The following NOTCH4 variants were observed in gnomAD, a reference collection of about 807,000 sequenced individuals.
NOTCH4 encodes the protein neurogenic locus notch homolog protein 4.
Under a neutral mutation model 189.0 loss-of-function variants are expected in NOTCH4, and 138 were observed. The observed-to-expected ratio is 0.73, with a 90% CI of 0.64 to 0.84. The LOEUF is 0.84. Ranked by LOEUF, NOTCH4 falls within the 40% of genes least tolerant of loss-of-function variation. NOTCH4 has a pLI of 0.00. For synonymous variants in NOTCH4, 942 were observed against 1,032.8 expected (o/e 0.91, Z 1.69); for missense variants, 2,286 against 2,605.4 (o/e 0.88, Z 2.67).
Position 32,223,922 on chromosome 6 carries a change from G to T in NOTCH4, c.7C>A (p.Pro3Thr). ...AGCAGCAGCAGCAGCAGTGAAGGGG[G>T]CTGCATTCCACAGCCCCTTCTCCAA... MQPPSLLLLLLLL... is the reference protein window; with the variant it reads MQTPSLLLLLLLL... Residue 3 changes from proline to threonine, a missense_variant, in exon 1 of 30, where the codon CCC becomes ACC. Around this residue, in one of 2 missense-constraint regions of NOTCH4, gnomAD observed 1,903 missense variants for 2,261.9 expected, o/e 0.84. Coordinates refer to ENST00000375023, the MANE Select transcript of NOTCH4 (RefSeq NM_004557.4). The T allele has an allele frequency of 1.3e-6, 2 of 1,581,784 alleles. No homozygotes were observed.
At chr6:32,205,547 C>CAAAAA (rs9281672) in intron 18 of NOTCH4, among the ~76,000 whole-genome samples, 16 of 52,140 alleles carry the variant, frequency 3.1e-4, no homozygotes, top group Non-Finnish European at 3.8e-4. Flanking sequence ...GATGCTGTCT[C>CAAAAA]AAAAAAAAAA....
intron 5 of NOTCH4, 34 bp from the exon 6 acceptor site, chr6:32,220,675 G>A (rs760950053): frequency 9.9e-6 from 16 of 1,612,048 alleles, no homozygotes; most frequent in Non-Finnish European, 1.4e-5. Context: ...GAGGGCTAAG[G>A]CTGGGAGCCC....
At chr6:32,203,739 C>A (rs1312719417) in intron 20 of NOTCH4, 31 bp downstream of exon 20, 7 of 1,498,908 alleles carry the variant, frequency 4.7e-6, no homozygotes, top group Non-Finnish European at 6.4e-6. Context: ...GCATAGGGGG[C>A]AACAGAGAAG....
At chr6:32,216,379 C>T (rs1378779079) in intron 11 of NOTCH4, 2 of 158,048 alleles carry the variant, frequency 1.3e-5, no homozygotes, top group Non-Finnish European at 2.8e-5. Context: ...CCACCCGCCT[C>T]GGCTTCCCGA....
At position 32,195,901 on chromosome 6, in the gene NOTCH4, C is replaced by T. The variant is rs988401099; in HGVS notation, c.5548G>A (p.Val1850Met). Residue 1850 changes from valine (V) to methionine (M), a missense_variant, in exon 30 of 30, where the codon GTG (valine) becomes ATG (methionine). Physicochemically the swap from Val to Met is conservative, Grantham distance 21. This residue lies in a region of NOTCH4 where 383 missense variants were observed against 343.5 expected (regional missense o/e 1.11). Coordinates refer to ENST00000375023, the MANE Select transcript of NOTCH4 (RefSeq NM_004557.4). This position sits in a 1 kb window ranked among gnomAD's most constrained non-coding sequence, Gnocchi z 5.4. ...FPRARTVSVSVPPHGGGALPR... is the reference protein window; with the variant it reads ...FPRARTVSVSMPPHGGGALPR... ...AGAGCCCCGCCCCCATGCGGGGGCA[C>T]GCTTACTGACACCGTCCGTGCGCGC... is the stretch of plus-strand genomic sequence containing the variant. The T allele has an allele frequency of 6.3e-7, 1 of 1,587,294 alleles. No homozygotes were observed. The highest frequency in any genetic ancestry group is 2.3e-5 in the East Asian group (1 of 44,374).
In NOTCH4 at chr6:32,201,780, A is replaced by C; in HGVS notation, c.3756-280T>G. The C allele has an allele frequency of 2.4e-6, 1 of 412,352 alleles. No individual in the cohort carries two copies. Among genetic ancestry groups the C allele is most frequent in the Non-Finnish European group, 4.2e-6 (1 of 236,504 alleles). 25.5% of individuals were successfully genotyped at this position (412,352 alleles called of 1,614,324 possible). A position where few individuals can be genotyped will look rare whatever the true frequency, so the allele number is the denominator to read the frequency against. On this transcript the variant is annotated intron_variant, in intron 21 of 29. Transcript: ENST00000375023. This position sits in a 1 kb window ranked among gnomAD's most constrained non-coding sequence, Gnocchi z 5.5. ...GCCCTTTTCCCTCTGTGAGGTGCTGACTGCTAGGGGAAATACTCCATGGCA... is the reference window on the plus strand; with the variant it reads ...GCCCTTTTCCCTCTGTGAGGTGCTGCCTGCTAGGGGAAATACTCCATGGCA...
intron 12 of NOTCH4, among the ~76,000 whole-genome samples, chr6:32,215,005 C>G (rs931615471): frequency 6.6e-6 from 1 of 152,182 alleles, no homozygotes; most frequent in Admixed American, 6.5e-5. Flanking sequence ...TGCTCTGACC[C>G]CCTGGTCCTC....
Position 32,213,247 on chromosome 6 carries a change from A to G in NOTCH4, c.2326T>C (p.Cys776Arg). ...TTCACACAGGTACCCCCATTGAAGC[A>G]CGGGGCTGGAGAGAGGAGGCTGTGA... ...TSTDYCVSAP[C>R]FNGGTCVNRP... Residue 776 changes from cysteine (C) to arginine (R), a missense_variant, in exon 15 of 30, where the codon TGC becomes CGC. Physicochemically the swap from Cys to Arg is radical, Grantham distance 180 (BLOSUM62 -3). Coordinates refer to ENST00000375023, the MANE Select transcript of NOTCH4 (RefSeq NM_004557.4). 2 of 1,612,228 alleles carry G rather than the reference A, an allele frequency of 1.2e-6. No individual in the cohort carries two copies. The highest frequency in any genetic ancestry group is 8.5e-7 in the Non-Finnish European group (1 of 1,178,480).
intron 18 of NOTCH4, among the ~76,000 whole-genome samples, chr6:32,207,634 C>A (rs1206985086): frequency 2.0e-5 from 3 of 149,278 alleles, no homozygotes; most frequent in Admixed American, 6.7e-5. Flanking sequence ...TCTATCCCCC[C>A]CCCCCAAAAA....
Position 32,220,796 on chromosome 6 carries a change from C to T in NOTCH4, c.882G>A (p.Gly294=). Residue 294 remains glycine, a synonymous_variant, in exon 5 of 30, where the codon GGG becomes GGA. Coordinates refer to ENST00000375023, the MANE Select transcript of NOTCH4 (RefSeq NM_004557.4). ...GGCAGAGGCAGGTGTAGGTGTCCAG[C>T]CCATCCTGGCAAGTGCCCCCATTCT... The part of the protein sequence containing the change: ...QCQNGGTCQD[G]LDTYTCLCPE... 6.2e-7 allele frequency: 1 copy of T among 1,614,070 alleles called. No homozygotes were observed. Among genetic ancestry groups the T allele is most frequent in the Non-Finnish European group, 8.5e-7 (1 of 1,179,970 alleles).
At chr6:32,205,035 T>A (rs959271304) in intron 18 of NOTCH4, among the ~76,000 whole-genome samples, 1 of 152,200 alleles carries the variant, frequency 6.6e-6, no homozygotes, top group African/African-American at 2.4e-5. Flanking sequence ...CTTAACCATT[T>A]TCTGCTTCTT....
chr6:32,222,087 G>C (rs1038107237), intron 3 of NOTCH4, among the ~76,000 whole-genome samples: 3 of 151,932 alleles, frequency 2.0e-5, no homozygotes, highest in Non-Finnish European at 2.9e-5. Flanking sequence ...TCCCTTCCCG[G>C]TGCCCCTCCC....
chr6:32,203,964 G>A (rs1788516315), intron 19 of NOTCH4, 82 bp from the exon 20 acceptor site: 9 of 1,421,910 alleles, frequency 6.3e-6, no homozygotes, highest in South Asian at 6.2e-5. Flanking sequence ...TGTTGGCCCA[G>A]TGCTAGATGT....
chr6:32,213,993 C>T, intron 13 of NOTCH4, 117 bp downstream of exon 13: 1 of 1,425,184 alleles, frequency 7.0e-7, no homozygotes, highest in Non-Finnish European at 9.6e-7. Context: ...CACCCGTGTC[C>T]CCTGCAGTCC....
intron 17 of NOTCH4, among the ~76,000 whole-genome samples, chr6:32,211,468 C>T (rs1176874149): frequency 1.3e-5 from 2 of 151,176 alleles, no homozygotes; most frequent in Non-Finnish European, 2.9e-5. Flanking sequence ...CATGGTGGCA[C>T]ACGAATCCCA....
intron 8 of NOTCH4, among the ~76,000 whole-genome samples, chr6:32,218,747 T>C (rs1015722348): frequency 1.3e-5 from 2 of 152,218 alleles, no homozygotes; most frequent in East Asian, 1.9e-4. Flanking sequence ...TTCTCTATGA[T>C]TGTCTGTTGG....
rs139968881 is a variant in NOTCH4 at position 32,220,041 on chromosome 6, T to C, written c.1315+88A>G. 2.0e-3 allele frequency: 2,851 copies of C among 1,454,092 alleles called. 10 individuals carry two copies. Among genetic ancestry groups the C allele is most frequent in the Non-Finnish European group, 2.4e-3 (2,584 of 1,061,410 alleles). 90.1% of individuals were successfully genotyped at this position (1,454,092 alleles called of 1,614,324 possible). On this transcript the variant is annotated intron_variant, in intron 7 of 29. Transcript: ENST00000375023. ...TCAAGGAAAAAGATGTTTGGTTTTT[T>C]AATTGGAAAAGCAATCTGCCCTTTT...
Position 32,195,861 on chromosome 6 carries a change from G to C in NOTCH4, c.5588C>G (p.Thr1863Arg). The change falls in exon 30 of 30, where the codon ACG becomes AGG. Residue 1863 changes from threonine (T) to arginine (R), a missense_variant. By Grantham distance (71) the Thr-to-Arg change is moderately conservative. Around this residue, in one of 2 missense-constraint regions of NOTCH4, gnomAD observed 383 missense variants for 343.5 expected, o/e 1.11. Coordinates refer to ENST00000375023, the MANE Select transcript of NOTCH4 (RefSeq NM_004557.4). This position sits in a 1 kb window ranked among gnomAD's most constrained non-coding sequence, Gnocchi z 5.4. ...HGGGALPRCR[T>R]LSAGAGPRGG... ...ACGAGGGCCTGCTCCGGCTGACAGC[G>C]TCCGGCAGCGCGGCAGAGCCCCGCC... The C allele has an allele frequency of 6.3e-7, 1 of 1,595,372 alleles. No individual in the cohort carries two copies. The highest frequency in any genetic ancestry group is 8.5e-7 in the Non-Finnish European group (1 of 1,177,632).
Position 32,216,954 on chromosome 6 carries a change from C to T in NOTCH4, c.1852G>A (p.Gly618Ser). ...TGCCTCCCCTGTGAACCTGTGAAAC[C>T]AGAGGGGCAGAGGCAAAAGAAGGCT... is the stretch of plus-strand genomic sequence containing the variant. The part of the protein sequence containing the change: ...PGAFFCLCPS[G>S]FTGQLCEVPL... Residue 618 changes from glycine to serine, a missense_variant, in exon 11 of 30, where the codon GGT becomes AGT. Physicochemically the swap from Gly to Ser is moderately conservative, Grantham distance 56. Around this residue, in one of 2 missense-constraint regions of NOTCH4, gnomAD observed 1,903 missense variants for 2,261.9 expected, o/e 0.84. Transcript: ENST00000375023. 6.2e-7 allele frequency: 1 copy of T among 1,613,094 alleles called. No homozygotes were observed. Among genetic ancestry groups the T allele is most frequent in the Non-Finnish European group, 8.5e-7 (1 of 1,180,044 alleles).
Sources: gnomAD v4.1 joint callset for allele counts (sites outside exome capture counted in the v4.1 genomes callset) on GRCh38, gnomAD v4.1.1 for gene constraint, gnomAD v4.1.1 regional missense constraint, Gnocchi (gnomAD v3.1) non-coding constraint, MANE v1.5 for transcripts, NCBI Gene and HGNC (gene_info 2026-07-23, HGNC 2026-07-21) for gene names.